PCDH11X: variants seen among roughly 807,000 people sequenced by gnomAD.
The protein encoded by PCDH11X is protocadherin-11 X-linked.
In PCDH11X, 18 loss-of-function variants were observed where a neutral mutation model predicts 53.3. The ratio of observed to expected loss-of-function variants is 0.34; its 90% confidence interval spans 0.23 to 0.50. The LOEUF is 0.50. PCDH11X is among the 20% of genes least tolerant of loss of function. PCDH11X has a pLI of 0.98. For missense variants in PCDH11X, 570 were observed against 1,032.4 expected (o/e 0.55, Z 6.14); for synonymous variants, 279 against 393.3 (o/e 0.71, Z 3.44).
rs763763423 is a variant in PCDH11X at position 91,991,513 on chromosome X, T to C, written c.3033+112240T>C. On this transcript the variant is annotated intron_variant, in intron 6 of 10. Coordinates refer to ENST00000682573, the MANE Select transcript of PCDH11X (RefSeq NM_032968.5). ...CCAATGTCTGGCTTTCTCTTCACAC[T>C]GTGTTTGCAGAAATCACTTTCTCTT... 6.3e-5 allele frequency among the ~76,000 whole-genome samples: 6 copies of C among 94,612 alleles called. No homozygotes were observed. In the South Asian group the frequency reaches 3.3e-3, roughly 53 times the overall value. 82.2% of individuals were successfully genotyped at this position (94,612 alleles called of 115,157 possible). A position where few individuals can be genotyped will look rare whatever the true frequency, so the allele number is the denominator to read the frequency against.
At chrX:92,533,271 C>A (rs924102053) in intron 10 of PCDH11X, among the ~76,000 whole-genome samples, 7 of 110,620 alleles carry the variant, frequency 6.3e-5, no homozygotes, top group African/African-American at 2.3e-4. Context: ...ATTTTGAATA[C>A]CCTATAACAG....
intron 6 of PCDH11X, among the ~76,000 whole-genome samples, chrX:92,111,917 C>T (rs1297126083): frequency 2.1e-4 from 23 of 109,286 alleles, no homozygotes; most frequent in Non-Finnish European, 4.2e-4. Context: ...CCACCTCGCC[C>T]GGCTAATTTT....
chrX:92,136,225 A>G (rs1018735290), intron 6 of PCDH11X, among the ~76,000 whole-genome samples: 17 of 110,832 alleles, frequency 1.5e-4, no homozygotes, highest in Non-Finnish European at 1.7e-4. Flanking sequence ...GGGAGTAATC[A>G]TGTGGCTATT....
chrX:91,845,530 T>C (rs1385190505), intron 5 of PCDH11X, among the ~76,000 whole-genome samples: 3 of 109,608 alleles, frequency 2.7e-5, no homozygotes, highest in African/African-American at 1.0e-4. Flanking sequence ...ATAGTAATGG[T>C]ATAGGAATGC....
At chrX:91,854,270 G>A (rs939311315) in intron 5 of PCDH11X, among the ~76,000 whole-genome samples, 4 of 111,729 alleles carry the variant, frequency 3.6e-5, no homozygotes, top group African/African-American at 1.3e-4. Flanking sequence ...TTCTCTTTCT[G>A]TGCCTGGCCT....
chrX:92,568,513 T>G (rs1321159263), intron 10 of PCDH11X, among the ~76,000 whole-genome samples: 1 of 108,517 alleles, frequency 9.2e-6, no homozygotes, highest in African/African-American at 3.4e-5. Flanking sequence ...TAAAGCAAAT[T>G]TCTCTACCAC....
chrX:92,352,865 T>C (rs1181764256), intron 8 of PCDH11X, among the ~76,000 whole-genome samples: 1 of 110,819 alleles, frequency 9.0e-6, no homozygotes, highest in East Asian at 2.9e-4. Context: ...GTTTTGGTTG[T>C]CTCCCAGGTC....
At chrX:92,198,410 CAAAAAAAAAAAA>C (rs148083122) in intron 6 of PCDH11X, among the ~76,000 whole-genome samples, 1 of 31,620 alleles carries the variant, frequency 3.2e-5, no homozygotes, top group Non-Finnish European at 5.1e-5. Context: ...GATCCTGTCT[CAAAAAAAAAAAA>C]AAAAAAAAAA....
At chrX:91,952,381 C>T (rs181124072) in intron 6 of PCDH11X, among the ~76,000 whole-genome samples, 203 of 111,305 alleles carry the variant, frequency 1.8e-3, no homozygotes, top group African/African-American at 6.2e-3. Context: ...AATTAGACAA[C>T]AAGCAGTGTT....
chrX:92,578,325 G>A (rs12559792), intron 10 of PCDH11X, among the ~76,000 whole-genome samples: 21,627 of 105,843 alleles, frequency 0.2, 2,436 homozygotes, highest in Non-Finnish European at 0.31. Flanking sequence ...AAACCTGCAC[G>A]TTCTGCACAT....
chrX:91,820,609 C>T (rs1474433858), intron 4 of PCDH11X, among the ~76,000 whole-genome samples: 6 of 101,248 alleles, frequency 5.9e-5, no homozygotes, highest in African/African-American at 2.6e-4. Flanking sequence ...AAATTTTCTC[C>T]CATGTTGTAG....
At chrX:91,907,443 G>GAGC (rs1941223447) in intron 6 of PCDH11X, among the ~76,000 whole-genome samples, 1 of 23,725 alleles carries the variant, frequency 4.2e-5, no homozygotes, top group Non-Finnish European at 8.1e-5. Context: ...AGAGAGAGAG[G>GAGC]CTGACATAAA....
intron 6 of PCDH11X, among the ~76,000 whole-genome samples, chrX:91,978,927 A>G (rs1459127956): frequency 8.9e-6 from 1 of 111,842 alleles, no homozygotes; most frequent in African/African-American, 3.2e-5. Context: ...TTTGAGGTAT[A>G]TGGTATGTGT....
intron 1 of PCDH11X, among the ~76,000 whole-genome samples, chrX:91,781,451 C>T (rs1935140420): frequency 8.9e-6 from 1 of 112,670 alleles, no homozygotes; most frequent in Non-Finnish European, 1.9e-5. Context: ...CATAGAGGTG[C>T]TTTGTGACTT....
At chrX:92,407,600 A>G (rs1351304469) in intron 9 of PCDH11X, among the ~76,000 whole-genome samples, 1 of 110,137 alleles carries the variant, frequency 9.1e-6, no homozygotes, top group Non-Finnish European at 1.9e-5. Context: ...CTATTCATAA[A>G]TGTAGCTGAT....
At chrX:92,178,462 A>G (rs941333225) in intron 6 of PCDH11X, among the ~76,000 whole-genome samples, 1 of 112,243 alleles carries the variant, frequency 8.9e-6, no homozygotes, top group African/African-American at 3.2e-5. Flanking sequence ...GCCTAATGGC[A>G]TGTCTCCATA....
In PCDH11X at chrX:92,217,910, C is replaced by T. The variant is rs1282648582; in HGVS notation, c.3114+16455C>T. On this transcript the variant is annotated intron_variant, in intron 7 of 10. Coordinates refer to ENST00000682573, the MANE Select transcript of PCDH11X (RefSeq NM_032968.5). ...CAGGATTAAGAAACTCACTCAAAAC[C>T]GCTCAACTACATGGAAACTGAACAA... Among the ~76,000 whole-genome samples, 9 of 109,229 alleles carry T rather than the reference C, an allele frequency of 8.2e-5. No individual in the cohort carries two copies. The East Asian group carries it at 8.7e-4, about 11-fold the overall frequency. 94.9% of individuals were successfully genotyped at this position (109,229 alleles called of 115,157 possible). A position where few individuals can be genotyped will look rare whatever the true frequency, so the allele number is the denominator to read the frequency against.
At chrX:92,275,121 G>A (rs1484858709) in intron 8 of PCDH11X, among the ~76,000 whole-genome samples, 6 of 100,203 alleles carry the variant, frequency 6.0e-5, no homozygotes, top group African/African-American at 2.2e-4. Context: ...GATTTTTAGG[G>A]CCTCTAACAG....
chrX:92,200,373 G>A (rs2148321155), intron 6 of PCDH11X, among the ~76,000 whole-genome samples: 1 of 111,426 alleles, frequency 9.0e-6, no homozygotes, highest in South Asian at 3.7e-4. Flanking sequence ...GGATGTTCCT[G>A]GAAAAACTGA....
Sources: allele counts gnomAD v4.1 joint callset (sites outside exome capture counted in the v4.1 genomes callset), GRCh38; gene constraint gnomAD v4.1.1; transcripts MANE v1.5; gene names NCBI Gene and HGNC (gene_info 2026-07-23, HGNC 2026-07-21).